LHFPL3: variants seen among roughly 807,000 people sequenced by gnomAD.
LHFPL3 encodes LHFPL tetraspan subfamily member 3, also known as LHFPL tetraspan subfamily member 3 protein.
Under a neutral mutation model 19.3 loss-of-function variants are expected in LHFPL3, and 5 were observed. The ratio of observed to expected loss-of-function variants is 0.26; its 90% CI spans 0.14 to 0.54. LHFPL3 has a LOEUF of 0.54. LHFPL3 is among the 20% of genes least tolerant of loss of function. The pLI is 0.94. For missense variants in LHFPL3, 249 were observed against 307.4 expected (o/e 0.81, Z 1.42); for synonymous variants, 133 against 126.2 (o/e 1.05, Z -0.36).
rs558661452 is a variant in LHFPL3, at chr7:104,383,091, C to T, written c.445+53867C>T. ...CAGCTCATTTTCCTGGCCACCATGC[C>T]GTAACAGCCTTGTCATCTGATACCA... On this transcript the variant is annotated intron_variant, in intron 1 of 2. Transcript: ENST00000424859. Among the ~76,000 whole-genome samples the T allele has an allele frequency of 7.9e-5, 12 of 152,344 alleles. No individual in the cohort carries two copies. The South Asian group carries it at 2.5e-3, about 32-fold the overall frequency.
At chr7:104,450,648 AC>A (rs1360034296) in intron 1 of LHFPL3, among the ~76,000 whole-genome samples, 7 of 152,020 alleles carry the variant, frequency 4.6e-5, no homozygotes, top group Non-Finnish European at 1.0e-4. Flanking sequence ...GGTGCAGCAA[AC>A]CACCATGGCA....
intron 1 of LHFPL3, among the ~76,000 whole-genome samples, chr7:104,509,914 A>T (rs776948706): frequency 7.2e-5 from 11 of 152,144 alleles, no homozygotes; most frequent in Non-Finnish European, 1.2e-4. Context: ...ATATAAACAT[A>T]TAAAAATCAA....
intron 1 of LHFPL3, among the ~76,000 whole-genome samples, chr7:104,455,361 T>C (rs948114335): frequency 6.8e-6 from 1 of 146,950 alleles, no homozygotes; most frequent in South Asian, 2.1e-4. Flanking sequence ...TAAGCGCTTC[T>C]AAAAAACAGA....
At chr7:104,802,386 G>T (rs988458564) in intron 2 of LHFPL3, among the ~76,000 whole-genome samples, 1 of 151,602 alleles carries the variant, frequency 6.6e-6, no homozygotes, top group African/African-American at 2.4e-5. Context: ...CCCAGATACT[G>T]GTGGGGGCTG....
chr7:104,511,333 G>C (rs952836659), intron 1 of LHFPL3, among the ~76,000 whole-genome samples: 6 of 152,190 alleles, frequency 3.9e-5, no homozygotes, highest in African/African-American at 1.4e-4. Flanking sequence ...AGCAGGTGGA[G>C]AAACTTAATC....
intron 1 of LHFPL3, among the ~76,000 whole-genome samples, chr7:104,701,003 T>C (rs1234497921): frequency 6.6e-6 from 1 of 152,198 alleles, no homozygotes; most frequent in Non-Finnish European, 1.5e-5. Context: ...TCTTTCTTTG[T>C]TTACACTTTC....
At chr7:104,665,513 T>C (rs376500282) in intron 1 of LHFPL3, among the ~76,000 whole-genome samples, 52 of 152,360 alleles carry the variant, frequency 3.4e-4, no homozygotes, top group African/African-American at 1.2e-3. Flanking sequence ...ACAGTAACTT[T>C]GACTCCTCTG....
At chr7:104,529,019 G>C (rs566509326) in intron 1 of LHFPL3, among the ~76,000 whole-genome samples, 3 of 152,238 alleles carry the variant, frequency 2.0e-5, no homozygotes, top group South Asian at 4.1e-4. Flanking sequence ...TTCCTGCACT[G>C]TCTCCAGCCT....
rs139396161 is a variant in LHFPL3, at chr7:104,459,400, T to C, written c.445+130176T>C. The stretch of plus-strand genomic sequence containing the variant: ...AAATTGTAACCTTGGGCATTGGACT[T>C]GATTCTGAATCTTCTTCAGAGGAGT... On this transcript the variant is annotated intron_variant, in intron 1 of 2. Transcript: ENST00000424859. Among the ~76,000 whole-genome samples the C allele has an allele frequency of 9.8e-5, 15 of 152,334 alleles. No individual in the cohort carries two copies. The East Asian group carries it at 1.3e-3, about 14-fold the overall frequency.
intron 1 of LHFPL3, among the ~76,000 whole-genome samples, chr7:104,465,412 C>T (rs2115590542): frequency 6.6e-6 from 1 of 152,314 alleles, no homozygotes. Flanking sequence ...TTTACAGCAG[C>T]ACCCCACTCT....
intron 1 of LHFPL3, among the ~76,000 whole-genome samples, chr7:104,591,671 G>A (rs1790726316): frequency 6.6e-6 from 1 of 152,150 alleles, no homozygotes; most frequent in Non-Finnish European, 1.5e-5. Context: ...TGCCTTGCTA[G>A]GTTGGGGAAG....
intron 1 of LHFPL3, among the ~76,000 whole-genome samples, chr7:104,479,431 A>G (rs1225226864): frequency 6.7e-6 from 1 of 149,706 alleles, no homozygotes. Flanking sequence ...TCACTCTGTC[A>G]CCCACGTTGG....
intron 1 of LHFPL3, among the ~76,000 whole-genome samples, chr7:104,632,263 A>G (rs555028157): frequency 6.6e-6 from 1 of 152,290 alleles, no homozygotes; most frequent in African/African-American, 2.4e-5. Context: ...CAAGACTTGC[A>G]GTCATCCCTG....
At chr7:104,758,334 A>T (rs572383903) in intron 2 of LHFPL3, among the ~76,000 whole-genome samples, 83 of 152,304 alleles carry the variant, frequency 5.4e-4, no homozygotes, top group Non-Finnish European at 9.6e-4. Flanking sequence ...AAACCTGCAC[A>T]TGTACCCCCG....
chr7:104,427,797 C>T (rs1216359355), intron 1 of LHFPL3, among the ~76,000 whole-genome samples: 1 of 152,202 alleles, frequency 6.6e-6, no homozygotes, highest in Non-Finnish European at 1.5e-5. Flanking sequence ...AAATACTTAA[C>T]ATTTTTATAC....
intron 2 of LHFPL3, among the ~76,000 whole-genome samples, chr7:104,788,434 A>G (rs142422335): frequency 6.6e-6 from 1 of 152,160 alleles, no homozygotes; most frequent in Non-Finnish European, 1.5e-5. Flanking sequence ...TATCTATTCA[A>G]TCTATTGTAG....
intron 1 of LHFPL3, among the ~76,000 whole-genome samples, chr7:104,587,804 T>C (rs1790612247): frequency 6.6e-6 from 1 of 152,128 alleles, no homozygotes; most frequent in Non-Finnish European, 1.5e-5. Flanking sequence ...TTTTTAATGA[T>C]CGCCATTCTA....
At chr7:104,421,917 A>G (rs1791740737) in intron 1 of LHFPL3, among the ~76,000 whole-genome samples, 1 of 152,146 alleles carries the variant, frequency 6.6e-6, no homozygotes, top group Non-Finnish European at 1.5e-5. Flanking sequence ...GTATCCTTAT[A>G]AGGAAAGACC....
intron 1 of LHFPL3, among the ~76,000 whole-genome samples, chr7:104,512,288 A>AGCTCTC (rs1793833215): frequency 2.0e-5 from 3 of 151,982 alleles, no homozygotes; most frequent in Non-Finnish European, 4.4e-5. Flanking sequence ...TATTTTAAAC[A>AGCTCTC]AGGGTAGGTA....
Sources: gnomAD v4.1 joint callset for allele counts (sites outside exome capture counted in the v4.1 genomes callset) on GRCh38, gnomAD v4.1.1 for gene constraint, MANE v1.5 for transcripts, NCBI Gene and HGNC (gene_info 2026-07-23, HGNC 2026-07-21) for gene names.